Variants in FMN1 observed in about 807,000 individuals in gnomAD.
FMN1 encodes the protein formin 1, also known as formin-1.
A neutral mutation model predicts 132.4 loss-of-function variants in FMN1; 110 were observed. That is an observed-to-expected ratio of 0.83 (90% CI 0.71 to 0.97). FMN1 has a LOEUF of 0.97. Ranked by LOEUF, FMN1 falls within the 50% of genes least tolerant of loss-of-function variation. The pLI, the probability that FMN1 is intolerant of heterozygous loss-of-function variation, is 0.00. For missense variants in FMN1, 1,792 were observed against 1,705.3 expected, an observed-to-expected ratio of 1.05 and a Z score of -0.90; for synonymous variants, 722 against 651.7, an observed-to-expected ratio of 1.11 and a Z score of -1.64.
intron 7 of FMN1, among the ~76,000 whole-genome samples, chr15:32,992,347 T>C (rs1403189980): frequency 3.9e-5 from 6 of 152,294 alleles, no homozygotes; most frequent in African/African-American, 1.4e-4. Context: ...CTCTTCTCAT[T>C]ATAATAATCA....
chr15:33,165,547 C>A (rs1024313223), intron 3 of FMN1, among the ~76,000 whole-genome samples: 2 of 152,130 alleles, frequency 1.3e-5, no homozygotes, highest in African/African-American at 4.8e-5. Flanking sequence ...CCCGCCACCA[C>A]GCCCGGCTAA....
chr15:32,890,598 G>A (rs989505649), intron 15 of FMN1, among the ~76,000 whole-genome samples: 1 of 152,110 alleles, frequency 6.6e-6, no homozygotes, highest in Non-Finnish European at 1.5e-5. Flanking sequence ...GTACTTCGCC[G>A]ACTTTTTGAT....
Position 33,154,388 on chromosome 15 carries a change from C to G in FMN1, c.527G>C (p.Arg176Thr), listed in dbSNP as rs899132586. 1 of 1,536,056 alleles carries G rather than the reference C, an allele frequency of 6.5e-7. No homozygotes were observed. Among genetic ancestry groups the G allele is most frequent in the Non-Finnish European group, 8.7e-7 (1 of 1,146,932 alleles). The change falls in exon 4 of 21, where the codon AGG (arginine) becomes ACG (threonine). Residue 176 changes from arginine to threonine, a missense_variant. Arg to Thr is a moderately conservative substitution (Grantham distance 71). This residue lies in a region of FMN1 where 638 missense variants were observed against 645.2 expected (regional missense o/e 0.99). Transcript: ENST00000616417. Reference sequence around the variant, plus strand: ...GCCTCCACGCCCTTTTCTTTTGGTCCTCTTCTGTGGAAGGGCCCCAAAGCT... The same window carrying G: ...GCCTCCACGCCCTTTTCTTTTGGTCGTCTTCTGTGGAAGGGCCCCAAAGCT... ...RESFGALPQKRTKRKGRGGRE... is the reference protein window; with the variant it reads ...RESFGALPQKTTKRKGRGGRE...
chr15:33,068,440 T>C (rs916014460), intron 5 of FMN1, among the ~76,000 whole-genome samples: 1 of 152,196 alleles, frequency 6.6e-6, no homozygotes, highest in African/African-American at 2.4e-5. Context: ...GAAATACTTC[T>C]GACACAGGCC....
At chr15:32,872,869 G>C (rs2059548629) in intron 16 of FMN1, among the ~76,000 whole-genome samples, 1 of 151,972 alleles carries the variant, frequency 6.6e-6, no homozygotes, top group African/African-American at 2.4e-5. Flanking sequence ...ACTCTGGAAA[G>C]TGTTTACATC....
At chr15:33,091,774 A>AG (rs1238913000) in intron 4 of FMN1, among the ~76,000 whole-genome samples, 16 of 152,258 alleles carry the variant, frequency 1.1e-4, no homozygotes, top group Admixed American at 2.6e-4. Flanking sequence ...GTAATACCCA[A>AG]GCTAGTCTCT....
At chr15:33,102,202 G>A (rs1385875044) in intron 4 of FMN1, among the ~76,000 whole-genome samples, 1 of 151,954 alleles carries the variant, frequency 6.6e-6, no homozygotes, top group Non-Finnish European at 1.5e-5. Context: ...CCCTATATCA[G>A]GACCTGTGTC....
intron 17 of FMN1, among the ~76,000 whole-genome samples, chr15:32,850,834 T>C (rs1207137480): frequency 6.6e-6 from 1 of 152,200 alleles, no homozygotes; most frequent in Non-Finnish European, 1.5e-5. Context: ...ACTTTTATTT[T>C]AGGTTTGGGG....
chr15:32,900,035 G>A lies in FMN1; in HGVS notation c.3598C>T (p.Gln1200Ter). ...ATTTCTAAGCTATATCCATCGGCTT[G>A]TCCCCGAGTCCTATTTCCTCCATTC... is the stretch of plus-strand genomic sequence containing the variant. ...YMNGGNRTRG[Q>*]ADGYSLEILP... The change falls in exon 14 of 21, where the codon CAA becomes TAA. Residue 1200 changes from glutamine (Q) to a stop codon, truncating the protein, a stop_gained. Coordinates refer to ENST00000616417, the MANE Select transcript of FMN1 (RefSeq NM_001277313.2). LOFTEE classifies it high-confidence loss of function. 6.3e-7 allele frequency: 1 copy of A among 1,592,132 alleles called. No homozygotes were observed. The highest frequency in any genetic ancestry group is 8.5e-7 in the Non-Finnish European group (1 of 1,172,238).
chr15:32,868,665 C>A (rs2059448195), intron 16 of FMN1, among the ~76,000 whole-genome samples: 1 of 152,118 alleles, frequency 6.6e-6, no homozygotes, highest in Non-Finnish European at 1.5e-5. Context: ...GAGGCAGGGG[C>A]TGGAGAAGAC....
chr15:33,040,679 A>G (rs891006314), intron 6 of FMN1, among the ~76,000 whole-genome samples: 2 of 152,226 alleles, frequency 1.3e-5, no homozygotes, highest in Non-Finnish European at 2.9e-5. Flanking sequence ...ACCAGATAGA[A>G]TATGTGCTCT....
chr15:32,921,668 GTCTTTTTTT>G (rs970479510), intron 10 of FMN1, among the ~76,000 whole-genome samples: 46 of 132,366 alleles, frequency 3.5e-4, no homozygotes, highest in African/African-American at 1.5e-3. Context: ...CTCCAGCTGT[GTCTTTTTTT>G]TCTTTTTTTT....
intron 9 of FMN1, among the ~76,000 whole-genome samples, chr15:32,947,451 T>C (rs953601270): frequency 1.3e-5 from 2 of 152,136 alleles, no homozygotes; most frequent in South Asian, 4.1e-4. Context: ...TTTTCCTTTA[T>C]ATGAGGTAGA....
chr15:33,075,052 A>C (rs2038153050), intron 5 of FMN1, among the ~76,000 whole-genome samples: 1 of 145,292 alleles, frequency 6.9e-6, no homozygotes, highest in African/African-American at 2.5e-5. Flanking sequence ...AAAAAAGAAC[A>C]GACCTTGAGT....
chr15:32,838,360 A>G (rs1161820080), intron 17 of FMN1, among the ~76,000 whole-genome samples: 2 of 152,254 alleles, frequency 1.3e-5, no homozygotes, highest in African/African-American at 4.8e-5. Context: ...TGCTGAGAAC[A>G]GTCTGGAGAC....
At chr15:32,998,494 G>A (rs1248345512) in intron 7 of FMN1, among the ~76,000 whole-genome samples, 1 of 152,218 alleles carries the variant, frequency 6.6e-6, no homozygotes, top group Non-Finnish European at 1.5e-5. Context: ...TTACTTTACA[G>A]CTGAAGAACC....
At chr15:32,870,928 A>C (rs1401302386) in intron 16 of FMN1, among the ~76,000 whole-genome samples, 1 of 152,226 alleles carries the variant, frequency 6.6e-6, no homozygotes, top group Non-Finnish European at 1.5e-5. Flanking sequence ...AGAATAATTT[A>C]ATGCTTTAGT....
intron 6 of FMN1, among the ~76,000 whole-genome samples, chr15:33,036,840 C>A (rs2036214946): frequency 1.3e-5 from 2 of 152,202 alleles, no homozygotes; most frequent in South Asian, 4.1e-4. Flanking sequence ...ACTCACAGTG[C>A]AAGTGCCAGA....
At chr15:33,119,631 G>A (rs907956981) in intron 4 of FMN1, among the ~76,000 whole-genome samples, 13 of 152,104 alleles carry the variant, frequency 8.5e-5, no homozygotes, top group Non-Finnish European at 1.3e-4. Context: ...TCTTTCAAGG[G>A]ATAGAAGTGA....
Sources: allele counts gnomAD v4.1 joint callset (sites outside exome capture counted in the v4.1 genomes callset), GRCh38; gene constraint gnomAD v4.1.1; regional missense constraint gnomAD v4.1.1; transcripts MANE v1.5; gene names NCBI Gene and HGNC (gene_info 2026-07-23, HGNC 2026-07-21).